Variants in CELF2 observed in about 807,000 individuals in gnomAD.
CELF2 encodes the protein CUGBP Elav-like family member 2.
Under a neutral mutation model 62.6 loss-of-function variants are expected in CELF2, and 8 were observed. The observed-to-expected ratio is 0.13, with a 90% CI of 0.07 to 0.23. CELF2 has a LOEUF of 0.23. CELF2 is among the 10% of genes least tolerant of loss of function. The pLI is 1.00. For missense variants in CELF2, 333 were observed against 671.0 expected (o/e 0.50, Z 5.56); for synonymous variants, 258 against 250.0 (o/e 1.03, Z -0.30).
At chr10:11,000,761 C>T (rs779462695), upstream of CELF2, among the ~76,000 whole-genome samples, 70 of 152,202 alleles carry the variant, frequency 4.6e-4, no homozygotes, top group Non-Finnish European at 2.4e-4. Context: ...TATTATGTTT[C>T]AGGTAGTGAA....
chr10:11,106,207 T>TTTTGTTTA (rs1554839842), intron 1 of CELF2, among the ~76,000 whole-genome samples: 1 of 140,440 alleles, frequency 7.1e-6, no homozygotes, highest in African/African-American at 2.6e-5. Context: ...TTTTACTTTA[T>TTTTGTTTA]TTTATTTATT....
the CELF2 span, among the ~76,000 whole-genome samples, chr10:10,607,896 G>A: frequency 1.3e-5 from 2 of 152,090 alleles, no homozygotes; most frequent in Admixed American, 1.3e-4. Context: ...GTGGGAGGTG[G>A]CAGGTGGATC....
chr10:10,946,308 C>T lies in CELF2; in HGVS notation c.89+26309C>T, dbSNP rs1298036488. ...AGGACCAATTTGGGGAATTTCTCTC[C>T]CCACTGGAATGCACGTGATACTCAT... On this transcript the variant is annotated intron_variant, in intron 2 of 13. Coordinates refer to the CELF2 transcript ENST00000636488. 4 of 152,232 alleles carry T rather than the reference C, an allele frequency of 2.6e-5. No individual in the cohort carries two copies. The East Asian group carries it at 5.8e-4, about 22-fold the overall frequency. 9.4% of individuals were successfully genotyped at this position (152,232 alleles called of 1,614,324 possible). A position where few individuals can be genotyped will look rare whatever the true frequency, so the allele number is the denominator to read the frequency against.
intron 9 of CELF2, among the ~76,000 whole-genome samples, chr10:11,301,125 A>T (rs955686507): frequency 9.9e-5 from 15 of 152,178 alleles, no homozygotes; most frequent in Non-Finnish European, 1.9e-4. Flanking sequence ...CGAAGGGGAA[A>T]ATTCATATGG....
At chr10:11,018,232 G>A (rs2057631483) in intron 1 of CELF2, 69 bp downstream of exon 1, 1 of 1,358,788 alleles carries the variant, frequency 7.4e-7, no homozygotes, top group Admixed American at 2.4e-5. Context: ...GCGCGAAGGG[G>A]ACGGGCGTCG....
chr10:11,154,711 T>G (rs1215003334), intron 1 of CELF2, among the ~76,000 whole-genome samples: 1 of 152,222 alleles, frequency 6.6e-6, no homozygotes, highest in Admixed American at 6.5e-5. Flanking sequence ...ATCCAACTTT[T>G]AAACCTCATC....
chr10:11,104,334 C>A (rs1037900173), intron 1 of CELF2, among the ~76,000 whole-genome samples: 1 of 152,128 alleles, frequency 6.6e-6, no homozygotes, highest in Non-Finnish European at 1.5e-5. Flanking sequence ...AAATGACATA[C>A]AAAATACTCT....
At chr10:11,176,467 A>G (rs1271424189) in intron 2 of CELF2, among the ~76,000 whole-genome samples, 16 of 152,128 alleles carry the variant, frequency 1.1e-4, no homozygotes, top group Admixed American at 9.8e-4. Context: ...GATAGTGTTA[A>G]CCATCACAGG....
intron 1 of CELF2, among the ~76,000 whole-genome samples, chr10:11,155,017 A>G (rs111622920): frequency 1.3e-5 from 2 of 152,218 alleles, no homozygotes; most frequent in Non-Finnish European, 2.9e-5. Flanking sequence ...TCGACATTTG[A>G]TACGCCACTG....
chr10:10,808,676 T>C (rs998310526), intron 1 of CELF2, among the ~76,000 whole-genome samples: 3 of 152,206 alleles, frequency 2.0e-5, no homozygotes, highest in Admixed American at 2.0e-4. Context: ...ACCTTAGTTC[T>C]TTTTAAAGTG....
At chr10:11,068,618 T>C (rs1313467557) in intron 1 of CELF2, among the ~76,000 whole-genome samples, 1 of 151,994 alleles carries the variant, frequency 6.6e-6, no homozygotes, top group Non-Finnish European at 1.5e-5. Context: ...TGGAGTGCAG[T>C]GGCCCGATCT....
chr10:10,535,003 T>C, the CELF2 span, among the ~76,000 whole-genome samples: 1 of 152,230 alleles, frequency 6.6e-6, no homozygotes, highest in Admixed American at 6.5e-5. Flanking sequence ...TTTTCTGTCA[T>C]TAAAATCCCA....
the CELF2 span, among the ~76,000 whole-genome samples, chr10:10,551,896 C>G: frequency 1.3e-5 from 2 of 152,292 alleles, no homozygotes; most frequent in Middle Eastern, 3.4e-3. Flanking sequence ...ATAAACATAG[C>G]TCTTTAGAGG....
At chr10:10,541,431 A>G in the CELF2 span, among the ~76,000 whole-genome samples, 1 of 152,226 alleles carries the variant, frequency 6.6e-6, no homozygotes, top group East Asian at 1.9e-4. Flanking sequence ...AGTAAAGGAA[A>G]AAAGAATGGC....
rs1186222274 is a variant in CELF2, at chr10:11,012,565, G to A, written c.53+7125G>A. 6.6e-6 allele frequency among the ~76,000 whole-genome samples: 1 copy of A among 152,138 alleles called. No individual in the cohort carries two copies. The highest frequency in any genetic ancestry group is 6.5e-5 in the Admixed American group (1 of 15,280). On this transcript the variant is annotated intron_variant, in intron 1 of 12. Coordinates refer to the CELF2 transcript ENST00000416382. The surrounding 1 kb of genome is among the most constrained non-coding windows in gnomAD (Gnocchi z 5.5). ...CCCCACCTGTTGCTGCCTTCTCCGGGACCGAATGTTACGCCTGCAACTGTG... is the reference window on the plus strand; with the variant it reads ...CCCCACCTGTTGCTGCCTTCTCCGGAACCGAATGTTACGCCTGCAACTGTG...
chr10:10,813,253 A>C (rs1054072731), intron 1 of CELF2, among the ~76,000 whole-genome samples: 2 of 152,224 alleles, frequency 1.3e-5, no homozygotes, highest in African/African-American at 4.8e-5. Flanking sequence ...ACAGAGACTG[A>C]CATTAGCGAT....
Position 11,267,321 on chromosome 10 carries a change from G to T in CELF2, c.618+644G>T, listed in dbSNP as rs2082425141. Among the ~76,000 whole-genome samples, 1 of 152,222 alleles carries T rather than the reference G, an allele frequency of 6.6e-6. No individual in the cohort carries two copies. The highest frequency in any genetic ancestry group is 2.4e-5 in the African/African-American group (1 of 41,452). On this transcript the variant is annotated intron_variant, in intron 6 of 12. Transcript: ENST00000633077. This position sits in a 1 kb window ranked among gnomAD's most constrained non-coding sequence, Gnocchi z 4.4. Reference sequence around the variant, plus strand: ...CTAATGAGAGATCATGGCTTTAGGGGAAGGTAAACACCCTGGTGTGGATGC... The same window carrying T: ...CTAATGAGAGATCATGGCTTTAGGGTAAGGTAAACACCCTGGTGTGGATGC...
At chr10:10,792,912 C>T in the CELF2 span, among the ~76,000 whole-genome samples, 1 of 152,126 alleles carries the variant, frequency 6.6e-6, no homozygotes, top group African/African-American at 2.4e-5. Flanking sequence ...TTAAAATATG[C>T]CTGGCAGAGA....
At chr10:10,689,819 G>T in the CELF2 span, among the ~76,000 whole-genome samples, 5 of 152,194 alleles carry the variant, frequency 3.3e-5, no homozygotes, top group African/African-American at 1.2e-4. Flanking sequence ...AACGAAATAT[G>T]TACGTGTGAA....
Sources: gnomAD v4.1 joint callset for allele counts (sites outside exome capture counted in the v4.1 genomes callset) on GRCh38, gnomAD v4.1.1 for gene constraint, Gnocchi (gnomAD v3.1) non-coding constraint, MANE v1.5 for transcripts, NCBI Gene and HGNC (gene_info 2026-07-23, HGNC 2026-07-21) for gene names.